Variants in PTPRO observed in about 807,000 individuals in gnomAD.
PTPRO encodes the protein protein tyrosine phosphatase receptor type O, also known as receptor-type tyrosine-protein phosphatase O.
Under a neutral mutation model 145.2 loss-of-function variants are expected in PTPRO, and 62 were observed. That is an observed-to-expected ratio of 0.43 (90% confidence interval 0.35 to 0.53). The LOEUF is 0.53. Among genes scored for constraint, PTPRO ranks in the 20% least tolerant of loss-of-function variants. PTPRO has a pLI of 0.01. For synonymous variants in PTPRO, 565 were observed against 514.7 expected, an observed-to-expected ratio of 1.10 and a Z score of -1.32; for missense variants, 1,345 against 1,482.7, an observed-to-expected ratio of 0.91 and a Z score of 1.53.
intron 19 of PTPRO, among the ~76,000 whole-genome samples, chr12:15,571,690 G>T (rs527996220): frequency 4.3e-4 from 65 of 152,202 alleles, no homozygotes; most frequent in Non-Finnish European, 4.9e-4. Context: ...TTTCTTGTTT[G>T]TAGTTTGAAA....
chr12:15,549,355 A>C, intron 14 of PTPRO, 129 bp downstream of exon 14: 1 of 719,150 alleles, frequency 1.4e-6, no homozygotes, highest in Non-Finnish European at 2.0e-6. Context: ...TCAATCCCAA[A>C]GTGCACTTAC....
At chr12:15,496,412 A>T (rs1270472084) in intron 2 of PTPRO, among the ~76,000 whole-genome samples, 1 of 151,986 alleles carries the variant, frequency 6.6e-6, no homozygotes, top group African/African-American at 2.4e-5. Flanking sequence ...ACAATGCTGG[A>T]ATTACAGGTG....
chr12:15,530,817 A>G (rs112541174), intron 12 of PTPRO, among the ~76,000 whole-genome samples: 2 of 152,150 alleles, frequency 1.3e-5, no homozygotes, highest in African/African-American at 4.8e-5. Flanking sequence ...ACCTCAAGGA[A>G]CTAGAAAAGC....
At chr12:15,403,578 G>A (rs112398010) in intron 1 of PTPRO, among the ~76,000 whole-genome samples, 5,259 of 152,148 alleles carry the variant, frequency 0.035, 301 homozygotes, top group African/African-American at 0.12. Context: ...GCGAGACTCC[G>A]TCTCAAAAAC....
At chr12:15,549,362 T>A (rs1943392399) in intron 14 of PTPRO, 136 bp downstream of exon 14, 1 of 514,352 alleles carries the variant, frequency 1.9e-6, no homozygotes, top group Non-Finnish European at 3.0e-6. Flanking sequence ...CAAAGTGCAC[T>A]TACTAGCTAT....
intron 1 of PTPRO, among the ~76,000 whole-genome samples, chr12:15,324,843 C>G (rs1220522352): frequency 6.6e-6 from 1 of 152,064 alleles, no homozygotes; most frequent in East Asian, 1.9e-4. Flanking sequence ...ATTGGGCACA[C>G]AGTGTAATAT....
chr12:15,577,354 G>A (rs532366735), intron 19 of PTPRO, among the ~76,000 whole-genome samples: 14 of 152,272 alleles, frequency 9.2e-5, no homozygotes, highest in African/African-American at 3.4e-4. Flanking sequence ...TTGCCACCAA[G>A]GATCTTCTAG....
chr12:15,524,844 A>G lies in PTPRO; in HGVS notation c.1922A>G (p.Glu641Gly). 5 of 1,613,728 alleles carry G rather than the reference A, an allele frequency of 3.1e-6. No individual in the cohort carries two copies. The highest frequency in any genetic ancestry group is 4.2e-6 in the Non-Finnish European group (5 of 1,179,648). The change falls in exon 11 of 27, where the codon GAA (glutamate) becomes GGA (glycine). Residue 641 changes from glutamate to glycine, a missense_variant. Glu to Gly is a moderately conservative substitution (Grantham distance 98). Around this residue, in one of 3 missense-constraint regions of PTPRO, gnomAD observed 1,130 missense variants for 1,214.7 expected, o/e 0.93. Coordinates refer to ENST00000281171, the MANE Select transcript of PTPRO (RefSeq NM_030667.3). ...APVAPEITSV[E>G]YFNSLLYISW... ...GTGGCTCCGGAAATCACTTCTGTGG[A>G]ATATTTCAACAGTCTGTTATATATC... is the stretch of plus-strand genomic sequence containing the variant.
chr12:15,590,808 T>C lies in PTPRO; in HGVS notation c.3546+1218T>C, dbSNP rs141400744. Among the ~76,000 whole-genome samples the C allele has an allele frequency of 4.1e-3, 632 of 152,322 alleles. 6 individuals carry two copies. The highest frequency in any genetic ancestry group is 0.015 in the African/African-American group (608 of 41,568). On this transcript the variant is annotated intron_variant, in intron 25 of 26. Coordinates refer to ENST00000281171, the MANE Select transcript of PTPRO (RefSeq NM_030667.3). ...AATCATGCTGCCTAGTAATTTAGTG[T>C]GGTGGGGACATCAGTATCACTTTTT...
At chr12:15,583,109 G>A (rs1483815288) in intron 23 of PTPRO, among the ~76,000 whole-genome samples, 1 of 152,214 alleles carries the variant, frequency 6.6e-6, no homozygotes, top group African/African-American at 2.4e-5. Context: ...ATAGCAAACT[G>A]TAGCCTGTGG....
At chr12:15,361,438 C>CAAAAAAAAAAAAAAAAAAA (rs71042244) in intron 1 of PTPRO, among the ~76,000 whole-genome samples, 1 of 71,302 alleles carries the variant, frequency 1.4e-5, no homozygotes, top group Non-Finnish European at 2.7e-5. Flanking sequence ...GACTCAGTCT[C>CAAAAAAAAAAAAAAAAAAA]AAAAAAAAAA....
In PTPRO at chr12:15,560,114, C is replaced by T. The variant is rs1277279761; in HGVS notation, c.2628-79C>T. 13 of 970,390 alleles carry T rather than the reference C, an allele frequency of 1.3e-5. No homozygotes were observed. The East Asian group carries it at 2.9e-4, about 21-fold the overall frequency. The allele number at this position is 970,390 out of a possible 1,614,324, so 60.1% of individuals were successfully genotyped here. A position where few individuals can be genotyped will look rare whatever the true frequency, so the allele number is the denominator to read the frequency against. Reference sequence around the variant, plus strand: ...TTAATTAATCCCAATAGGTAATTTACTGATATCTATTCACAGTTTATATTA... The same window carrying T: ...TTAATTAATCCCAATAGGTAATTTATTGATATCTATTCACAGTTTATATTA... On this transcript the variant is annotated intron_variant, in intron 16 of 26. Transcript: ENST00000281171.
rs575341933 is a variant in PTPRO, at chr12:15,386,208, A to G, written c.75+63407A>G. On this transcript the variant is annotated intron_variant, in intron 1 of 26. Coordinates refer to ENST00000281171, the MANE Select transcript of PTPRO (RefSeq NM_030667.3). ...GGAGTCTACAGAAACAACAAGGAAC[A>G]TAACCAGTTGCATGAGATTTCAGAT... Among the ~76,000 whole-genome samples, 3 of 152,314 alleles carry G rather than the reference A, an allele frequency of 2.0e-5. 1 individual carries two copies. The highest frequency in any genetic ancestry group is 4.8e-5 in the African/African-American group (2 of 41,578).
In PTPRO at chr12:15,501,873, A is replaced by T; in HGVS notation, c.915A>T (p.Ala305=). ...SQPYWWDSAS[A]APESEDEFVS... ...CATATTGGTGGGACAGTGCATCTGCAGCTCCTGAAAGTGAAGATGAATTTG... is the reference window on the plus strand; with the variant it reads ...CATATTGGTGGGACAGTGCATCTGCTGCTCCTGAAAGTGAAGATGAATTTG... The change falls in exon 5 of 27, where the codon GCA becomes GCT. Residue 305 remains alanine, a synonymous_variant. Transcript: ENST00000281171. 6.2e-7 allele frequency: 1 copy of T among 1,614,152 alleles called. No individual in the cohort carries two copies. The highest frequency in any genetic ancestry group is 8.5e-7 in the Non-Finnish European group (1 of 1,180,006).
intron 1 of PTPRO, among the ~76,000 whole-genome samples, chr12:15,326,067 G>C (rs147113438): frequency 1.4e-4 from 21 of 152,134 alleles, no homozygotes; most frequent in African/African-American, 4.8e-4. Flanking sequence ...TCTTATCCAG[G>C]GGAAATATCT....
chr12:15,512,511 T>A (rs990495457), intron 7 of PTPRO, among the ~76,000 whole-genome samples: 6 of 152,206 alleles, frequency 3.9e-5, no homozygotes, highest in Admixed American at 2.6e-4. Context: ...CATATCAAAA[T>A]GTCAGGATTT....
intron 1 of PTPRO, among the ~76,000 whole-genome samples, chr12:15,422,999 A>G (rs1225004526): frequency 1.3e-5 from 2 of 152,228 alleles, no homozygotes; most frequent in East Asian, 1.9e-4. Flanking sequence ...TCATGTTGAT[A>G]TGCAAAGGGA....
intron 1 of PTPRO, among the ~76,000 whole-genome samples, chr12:15,477,339 T>C (rs1242727348): frequency 9.0e-6 from 1 of 110,872 alleles, no homozygotes; most frequent in African/African-American, 3.7e-5. Context: ...TATCACACTC[T>C]GGGGACTGTG....
At chr12:15,561,273 G>C (rs548660163) in intron 17 of PTPRO, among the ~76,000 whole-genome samples, 75 of 152,156 alleles carry the variant, frequency 4.9e-4, no homozygotes, top group African/African-American at 1.7e-3. Flanking sequence ...GGTGGTGCGG[G>C]TATGAAAAGC....
Sources: allele counts gnomAD v4.1 joint callset (sites outside exome capture counted in the v4.1 genomes callset), GRCh38; gene constraint gnomAD v4.1.1; regional missense constraint gnomAD v4.1.1; transcripts MANE v1.5; gene names NCBI Gene and HGNC (gene_info 2026-07-23, HGNC 2026-07-21).